The following CDH13 variants were observed in gnomAD, a reference collection of about 807,000 sequenced individuals.
CDH13 encodes cadherin-13.
CDH13 carries 24 observed loss-of-function variants against 63.8 expected under a neutral mutation model. That is an observed-to-expected ratio of 0.38 (90% CI 0.27 to 0.53). The LOEUF is 0.53. Ranked by LOEUF, CDH13 falls within the 20% of genes least tolerant of loss-of-function variation. The pLI, the probability that CDH13 is intolerant of heterozygous loss-of-function variation, is 0.85. For missense variants in CDH13, 1,049 were observed against 903.1 expected, an observed-to-expected ratio of 1.16 and a Z score of -2.07; for synonymous variants, 503 against 355.3, an observed-to-expected ratio of 1.42 and a Z score of -4.67.
At chr16:82,851,327 C>T (rs767026012) in intron 1 of CDH13, among the ~76,000 whole-genome samples, 8 of 151,378 alleles carry the variant, frequency 5.3e-5, no homozygotes, top group East Asian at 1.9e-4. Flanking sequence ...CCCAGCTACT[C>T]GGGAGACTGA....
At chr16:82,842,198 A>G (rs533604564) in intron 1 of CDH13, among the ~76,000 whole-genome samples, 2 of 144,646 alleles carry the variant, frequency 1.4e-5, no homozygotes, top group Non-Finnish European at 3.0e-5. Flanking sequence ...ATATATGTAT[A>G]CACACACATT....
chr16:83,359,092 C>T (rs1234575810), intron 6 of CDH13, among the ~76,000 whole-genome samples: 1 of 151,926 alleles, frequency 6.6e-6, no homozygotes, highest in Non-Finnish European at 1.5e-5. Context: ...TTTTTCTTGC[C>T]AGTGAATCAA....
intron 5 of CDH13, among the ~76,000 whole-genome samples, chr16:83,321,525 ATTT>A (rs10672316): frequency 8.9e-4 from 92 of 103,646 alleles, no homozygotes; most frequent in African/African-American, 3.5e-3. Flanking sequence ...GAAATCTGGA[ATTT>A]TTTTTTTTTT....
At chr16:83,177,053 A>G (rs1308485631) in intron 4 of CDH13, among the ~76,000 whole-genome samples, 1 of 152,198 alleles carries the variant, frequency 6.6e-6, no homozygotes, top group African/African-American at 2.4e-5. Context: ...ATCCAGTATG[A>G]TAAGCACTGA....
chr16:82,633,254 C>A (rs373250202), intron 1 of CDH13, among the ~76,000 whole-genome samples: 1 of 152,218 alleles, frequency 6.6e-6, no homozygotes, highest in Non-Finnish European at 1.5e-5. Flanking sequence ...TGCTCCCTCA[C>A]GGTATAGACA....
chr16:82,908,203 T>G (rs138772965), intron 2 of CDH13, among the ~76,000 whole-genome samples: 103 of 152,260 alleles, frequency 6.8e-4, no homozygotes, highest in Non-Finnish European at 1.3e-3. Context: ...ACCTTGACAT[T>G]CCACAGGATA....
chr16:83,344,149 C>T (rs1310760159), intron 5 of CDH13, among the ~76,000 whole-genome samples: 1 of 152,202 alleles, frequency 6.6e-6, no homozygotes, highest in Non-Finnish European at 1.5e-5. Context: ...TTGAATTACG[C>T]ACAGAAAATG....
chr16:82,906,190 G>A (rs937946187), intron 2 of CDH13, among the ~76,000 whole-genome samples: 1 of 152,092 alleles, frequency 6.6e-6, no homozygotes, highest in African/African-American at 2.4e-5. Context: ...AGTTTTTGCA[G>A]TTCTCATTAT....
intron 9 of CDH13, among the ~76,000 whole-genome samples, chr16:83,674,696 G>A (rs1034999012): frequency 6.6e-6 from 1 of 152,194 alleles, no homozygotes; most frequent in African/African-American, 2.4e-5. Context: ...TTTCCAGCAA[G>A]GTCCTGCCAC....
chr16:83,388,550 C>A (rs183800117), intron 6 of CDH13, among the ~76,000 whole-genome samples: 1 of 152,096 alleles, frequency 6.6e-6, no homozygotes, highest in South Asian at 2.1e-4. Flanking sequence ...GGAGCAGCTG[C>A]CTGTTTGGAT....
chr16:83,379,122 G>C (rs900976530), intron 6 of CDH13, among the ~76,000 whole-genome samples: 3 of 151,876 alleles, frequency 2.0e-5, no homozygotes, highest in African/African-American at 7.3e-5. Context: ...AATGTCTTTT[G>C]TCTTCAACCT....
intron 12 of CDH13, among the ~76,000 whole-genome samples, chr16:83,781,731 C>G (rs574153146): frequency 6.6e-6 from 1 of 151,532 alleles, no homozygotes. Flanking sequence ...ATCTCCAGTT[C>G]TTTCCAATTG....
chr16:83,018,326 A>G (rs1915010430), intron 2 of CDH13, among the ~76,000 whole-genome samples: 2 of 152,148 alleles, frequency 1.3e-5, no homozygotes, highest in Admixed American at 6.5e-5. Context: ...GCTATTCCAC[A>G]TTCACCTTTA....
intron 2 of CDH13, among the ~76,000 whole-genome samples, chr16:82,935,007 T>C (rs2042621271): frequency 6.6e-6 from 1 of 152,222 alleles, no homozygotes; most frequent in Admixed American, 6.5e-5. Flanking sequence ...TTGGGTATCC[T>C]TACGGCAGCA....
chr16:82,707,456 A>C (rs1440978529), intron 1 of CDH13, among the ~76,000 whole-genome samples: 1 of 152,222 alleles, frequency 6.6e-6, no homozygotes, highest in African/African-American at 2.4e-5. Flanking sequence ...TCCTCAAGGC[A>C]CGGAGAGATG....
At chr16:82,801,789 G>A (rs56306839) in intron 1 of CDH13, among the ~76,000 whole-genome samples, 2 of 152,214 alleles carry the variant, frequency 1.3e-5, no homozygotes, top group African/African-American at 4.8e-5. Context: ...ATCTATACAG[G>A]TGTAGATTGG....
chr16:82,719,604 G>C (rs1382151685), intron 1 of CDH13: 1 of 352,492 alleles, frequency 2.8e-6, no homozygotes, highest in Admixed American at 3.5e-5. Flanking sequence ...CCAGCACTTT[G>C]ACAAGCCAAG....
chr16:82,702,812 A>G (rs1438516811), intron 1 of CDH13, among the ~76,000 whole-genome samples: 1 of 152,162 alleles, frequency 6.6e-6, no homozygotes, highest in African/African-American at 2.4e-5. Flanking sequence ...CCCAGGGTTC[A>G]GCTCCCTGGT....
intron 10 of CDH13, chr16:83,725,508 G>A (rs1348721098): frequency 6.6e-6 from 1 of 152,460 alleles, no homozygotes; most frequent in Non-Finnish European, 1.5e-5. Context: ...CTCTGCCGGG[G>A]GCAAGCGGTA....
Sources: gnomAD v4.1 joint callset for allele counts (sites outside exome capture counted in the v4.1 genomes callset) on GRCh38, gnomAD v4.1.1 for gene constraint, MANE v1.5 for transcripts, NCBI Gene and HGNC (gene_info 2026-07-23, HGNC 2026-07-21) for gene names.